Variants in SHOX observed in about 807,000 individuals in gnomAD.
SHOX encodes short stature homeobox protein.
SHOX carries 12 observed loss-of-function variants against 29.6 expected under a neutral mutation model. That is an observed-to-expected ratio of 0.41 (90% CI 0.26 to 0.66). The LOEUF (loss-of-function observed/expected upper bound fraction) is 0.66, where lower values mean the gene tolerates loss of function less well. Among genes scored for constraint, SHOX ranks in the 30% least tolerant of loss-of-function variants. The pLI is 0.35. For missense variants in SHOX, 499 were observed against 437.7 expected (o/e 1.14, Z -1.25); for synonymous variants, 214 against 200.6 (o/e 1.07, Z -0.57).
intron 2 of SHOX, among the ~76,000 whole-genome samples, chrX:635,949 G>C (rs780583658): frequency 3.3e-5 from 5 of 152,054 alleles, no homozygotes; most frequent in African/African-American, 9.6e-5. Flanking sequence ...TTGCCGACCA[G>C]AGAGAGAACC....
At position 635,534 on chromosome X, in the gene SHOX, C is replaced by T. The variant is rs186022828; in HGVS notation, c.486+708C>T. 6.2e-3 allele frequency among the ~76,000 whole-genome samples: 945 copies of T among 152,262 alleles called. 13 individuals are homozygous for T. The highest frequency in any genetic ancestry group is 0.029 in the South Asian group (140 of 4,830). The stretch of plus-strand genomic sequence containing the variant: ...CCCTCCTCCCTCCGGCTGTGGGGAG[C>T]GCAGGAGCACGTTGGGCATCTGGAT... On this transcript the variant is annotated intron_variant, in intron 2 of 4. Transcript: ENST00000686671.
rs1453249765 is a variant in SHOX, at chrX:649,258, T to G, written c.*4622T>G. On this transcript the variant is annotated 3_prime_UTR_variant, in exon 5 of 5. Transcript: ENST00000686671. ...TTCGCCATGTTGGCCAGGCTGGTCT[T>G]GAACTCCTGACCTCACATGATCCAC... Among the ~76,000 whole-genome samples the G allele has an allele frequency of 6.6e-6, 1 of 151,952 alleles. No homozygotes were observed. Among genetic ancestry groups the G allele is most frequent in the Non-Finnish European group, 1.5e-5 (1 of 67,984 alleles).
chrX:655,214 C>A (rs936837708), downstream of SHOX, among the ~76,000 whole-genome samples: 1 of 150,108 alleles, frequency 6.7e-6, no homozygotes, highest in Admixed American at 6.6e-5. Context: ...TTCAAGCAAT[C>A]CTCCTGCCTC....
chrX:628,420 CCT>C (rs1477184904), upstream of SHOX, among the ~76,000 whole-genome samples: 1 of 116,466 alleles, frequency 8.6e-6, no homozygotes, highest in African/African-American at 3.3e-5. Flanking sequence ...TCTGTCTCTC[CCT>C]CTCTCTCCCT....
At chrX:654,263 C>A (rs1180760553), downstream of SHOX, among the ~76,000 whole-genome samples, 1 of 150,804 alleles carries the variant, frequency 6.6e-6, no homozygotes, top group Non-Finnish European at 1.5e-5. Flanking sequence ...ATAGCGAGAC[C>A]CTCATCTCTA....
rs1487023580 is a variant in SHOX at position 650,817 on chromosome X, A to C, written c.*6181A>C. 1.3e-5 allele frequency among the ~76,000 whole-genome samples: 2 copies of C among 150,760 alleles called. No individual in the cohort carries two copies. The highest frequency in any genetic ancestry group is 2.1e-4 in the South Asian group (1 of 4,776). Reference sequence around the variant, plus strand: ...TAAAAAAAAAAAAAAAAAAAAAAAAAAACTGGTGCCTAATTTATTAAAGAG... The same window carrying C: ...TAAAAAAAAAAAAAAAAAAAAAAAACAACTGGTGCCTAATTTATTAAAGAG... On this transcript the variant is annotated 3_prime_UTR_variant, in exon 5 of 5. Coordinates refer to ENST00000686671, the MANE Select transcript of SHOX (RefSeq NM_000451.4).
Position 644,865 on chromosome X carries a change from G to C in SHOX, c.*229G>C. 1 of 557,398 alleles carries C rather than the reference G, an allele frequency of 1.8e-6. No individual in the cohort carries two copies. Among genetic ancestry groups the C allele is most frequent in the South Asian group, 3.6e-5 (1 of 27,466 alleles). 34.5% of individuals were successfully genotyped at this position (557,398 alleles called of 1,614,324 possible). On this transcript the variant is annotated 3_prime_UTR_variant, in exon 5 of 5. Transcript: ENST00000686671. ...CAGAAGGCGGAGCGGGTGAGCGGCC[G>C]TGCGTCCAGCCCGGGCCTCTCCAAG...
downstream of SHOX, among the ~76,000 whole-genome samples, chrX:652,378 A>G (rs1379583690): frequency 2.1e-5 from 2 of 95,860 alleles, no homozygotes; most frequent in Non-Finnish European, 4.0e-5. Context: ...TTCTCTCTTT[A>G]TGTAAAGGAA....
chrX:628,181 G>A (rs1041605219), upstream of SHOX, among the ~76,000 whole-genome samples: 9 of 65,706 alleles, frequency 1.4e-4, no homozygotes, highest in Admixed American at 1.6e-4. Context: ...CTGTCTCTCC[G>A]TTTCTCTCTT....
chrX:625,852 GTATC>G (rs2052521330), upstream of SHOX, among the ~76,000 whole-genome samples: 1 of 129,588 alleles, frequency 7.7e-6, no homozygotes. Flanking sequence ...CTCTGTCTCT[GTATC>G]TCTGTCTATC....
chrX:634,220 G>T (rs1371384704), intron 1 of SHOX, among the ~76,000 whole-genome samples: 3 of 152,166 alleles, frequency 2.0e-5, no homozygotes, highest in Non-Finnish European at 4.4e-5. Flanking sequence ...AACCCGCCCC[G>T]GGTCCTCCCC....
chrX:626,999 C>T (rs2052551023), upstream of SHOX, among the ~76,000 whole-genome samples: 1 of 151,668 alleles, frequency 6.6e-6, no homozygotes, highest in African/African-American at 2.4e-5. Flanking sequence ...TCTCTCCTCT[C>T]TCTCTGTCTC....
chrX:625,219 C>CT (rs2052501855), intron 1 of SHOX, among the ~76,000 whole-genome samples: 1 of 143,850 alleles, frequency 7.0e-6, no homozygotes, highest in Non-Finnish European at 1.5e-5. Flanking sequence ...CCTCCTCCTC[C>CT]TCCTTCTCCC....
intron 1 of SHOX, among the ~76,000 whole-genome samples, chrX:632,874 C>T (rs2052675576): frequency 6.6e-6 from 1 of 152,114 alleles, no homozygotes; most frequent in African/African-American, 2.4e-5. Flanking sequence ...TTCGCAGCGC[C>T]CGGCGGCCGC....
upstream of SHOX, among the ~76,000 whole-genome samples, chrX:626,350 C>T (rs1488753407): frequency 7.4e-6 from 1 of 135,696 alleles, no homozygotes; most frequent in East Asian, 2.4e-4. Flanking sequence ...CTCTGTCTAT[C>T]TCTGTCTCTC....
chrX:635,875 A>AGT (rs1445890970), intron 2 of SHOX, among the ~76,000 whole-genome samples: 1 of 151,750 alleles, frequency 6.6e-6, no homozygotes, highest in Non-Finnish European at 1.5e-5. Context: ...AGAGAGAGAG[A>AGT]GAGAGAGAGA....
chrX:653,981 A>G (rs2124218943), downstream of SHOX, among the ~76,000 whole-genome samples: 1 of 152,280 alleles, frequency 6.6e-6, no homozygotes, highest in South Asian at 2.1e-4. Flanking sequence ...TAAGCAAGAG[A>G]GCCAAGAAAA....
chrX:628,250 T>C (rs1480517319), upstream of SHOX, among the ~76,000 whole-genome samples: 1 of 120,862 alleles, frequency 8.3e-6, no homozygotes, highest in Non-Finnish European at 1.8e-5. Flanking sequence ...TCTCCCAGTC[T>C]CTCCCTTTCT....
rs1411332688 is a variant in SHOX at position 650,270 on chromosome X, C to T, written c.*5634C>T. On this transcript the variant is annotated 3_prime_UTR_variant, in exon 5 of 5. Transcript: ENST00000686671. ...GTGGTGCGACGGGCTTGGTGTCTCCCGTACGGGAAGGAGGCCTTTGGGCCG... is the reference window on the plus strand; with the variant it reads ...GTGGTGCGACGGGCTTGGTGTCTCCTGTACGGGAAGGAGGCCTTTGGGCCG... 2.0e-5 allele frequency among the ~76,000 whole-genome samples: 3 copies of T among 152,172 alleles called. No homozygotes were observed. The highest frequency in any genetic ancestry group is 2.1e-4 in the South Asian group (1 of 4,826).
Sources: gnomAD v4.1 joint callset for allele counts (sites outside exome capture counted in the v4.1 genomes callset) on GRCh38, gnomAD v4.1.1 for gene constraint, MANE v1.5 for transcripts, NCBI Gene and HGNC (gene_info 2026-07-23, HGNC 2026-07-21) for gene names.